Variants in TBCEL observed in about 807,000 individuals in gnomAD.
The protein encoded by TBCEL is tubulin folding cofactor E like, also known as tubulin-specific chaperone cofactor E-like protein.
TBCEL carries 15 observed loss-of-function variants against 44.2 expected under a neutral mutation model. The ratio of observed to expected loss-of-function variants is 0.34; its 90% CI spans 0.23 to 0.52. The LOEUF is 0.52. TBCEL is among the 20% of genes least tolerant of loss of function. TBCEL has a pLI of 0.95. For synonymous variants in TBCEL, 171 were observed against 185.4 expected (o/e 0.92, Z 0.63); for missense variants, 319 against 506.3 (o/e 0.63, Z 3.55).
At chr11:121,031,197 T>G (rs951579020) in intron 1 of TBCEL, among the ~76,000 whole-genome samples, 1 of 152,192 alleles carries the variant, frequency 6.6e-6, no homozygotes, top group African/African-American at 2.4e-5. Context: ...CCTGTAGAGT[T>G]TATACTGAGA....
At chr11:121,038,816 C>T (rs776053567) in intron 2 of TBCEL, among the ~76,000 whole-genome samples, 2 of 152,142 alleles carry the variant, frequency 1.3e-5, no homozygotes, top group Non-Finnish European at 2.9e-5. Flanking sequence ...CCCACCTCGT[C>T]CACTTTCATT....
intron 1 of TBCEL, among the ~76,000 whole-genome samples, chr11:121,031,312 T>C (rs945950260): frequency 6.6e-6 from 1 of 152,234 alleles, no homozygotes; most frequent in Non-Finnish European, 1.5e-5. Flanking sequence ...ACTGGCTACA[T>C]TGCCAGTTTC....
chr11:121,034,867 G>A (rs181014430), intron 1 of TBCEL, among the ~76,000 whole-genome samples: 241 of 152,250 alleles, frequency 1.6e-3, no homozygotes, highest in African/African-American at 5.3e-3. Context: ...ATCTGAAAAC[G>A]CTTCATCTCT....
intron 1 of TBCEL, among the ~76,000 whole-genome samples, chr11:121,027,508 G>A (rs537337372): frequency 5.3e-5 from 8 of 152,228 alleles, no homozygotes; most frequent in African/African-American, 1.4e-4. Flanking sequence ...GATATTTAGG[G>A]CCTTCTACAG....
At chr11:121,041,380 T>C (rs1945330126) in intron 2 of TBCEL, among the ~76,000 whole-genome samples, 3 of 152,174 alleles carry the variant, frequency 2.0e-5, no homozygotes, top group African/African-American at 7.2e-5. Flanking sequence ...ATTCTGACTT[T>C]TTCCAAGCAC....
chr11:121,076,550 T>C (rs1159201763), intron 8 of TBCEL, among the ~76,000 whole-genome samples: 2 of 152,086 alleles, frequency 1.3e-5, no homozygotes, highest in Admixed American at 1.3e-4. Flanking sequence ...ATTTATTTAT[T>C]AATTCTAGTA....
At position 121,045,769 on chromosome 11, in the gene TBCEL, G is replaced by A; in HGVS notation, c.79G>A (p.Gly27Ser). Residue 27 changes from glycine to serine, a missense_variant, in exon 3 of 9, where the codon GGC (glycine) becomes AGC (serine). Physicochemically the swap from Gly to Ser is moderately conservative, Grantham distance 56. Transcript: ENST00000683345. ...YSPENFPYRR[G>S]PGMGVHVPAT... ...TCCTGAAAATTTTCCTTATCGCCGT[G>A]GCCCGGGGATGGGAGTCCATGTCCC... The A allele has an allele frequency of 6.2e-7, 1 of 1,611,520 alleles. No homozygotes were observed.
At chr11:121,030,375 G>A (rs1339654655) in intron 1 of TBCEL, among the ~76,000 whole-genome samples, 1 of 152,178 alleles carries the variant, frequency 6.6e-6, no homozygotes, top group African/African-American at 2.4e-5. Context: ...ATTGGAGAGT[G>A]TAAAGGACAT....
chr11:121,072,689 G>A (rs1330251221), intron 8 of TBCEL, among the ~76,000 whole-genome samples: 1 of 151,436 alleles, frequency 6.6e-6, no homozygotes, highest in African/African-American at 2.4e-5. Flanking sequence ...TTTTCACCTC[G>A]TATTTTGTTG....
chr11:121,035,184 A>G lies in TBCEL; in HGVS notation c.-125-1321A>G, dbSNP rs997307445. ...AACTAATATTTATTAAGTGCTTTCT[A>G]TGTGCCAGGCACTGTGCTAACCACC... On this transcript the variant is annotated intron_variant, in intron 1 of 8. Coordinates refer to ENST00000683345, the MANE Select transcript of TBCEL (RefSeq NM_001363644.2). 4.6e-5 allele frequency: 7 copies of G among 152,244 alleles called. No individual in the cohort carries two copies. In the South Asian group the frequency reaches 1.4e-3, roughly 32 times the overall value. 9.4% of individuals were successfully genotyped at this position (152,244 alleles called of 1,614,324 possible).
In TBCEL at chr11:121,060,097, C is replaced by T. The variant is rs1945692659; in HGVS notation, c.956+12C>T. ...GAAGTGCCATTCAGGTAAAAAATTCCCCATTGGCCAAACACTTTAGAGGGT... is the reference window on the plus strand; with the variant it reads ...GAAGTGCCATTCAGGTAAAAAATTCTCCATTGGCCAAACACTTTAGAGGGT... On this transcript the variant is annotated intron_variant, in intron 8 of 8. Coordinates refer to ENST00000683345, the MANE Select transcript of TBCEL (RefSeq NM_001363644.2). The T allele has an allele frequency of 1.3e-6, 2 of 1,590,472 alleles. No homozygotes were observed. Among genetic ancestry groups the T allele is most frequent in the African/African-American group, 2.7e-5 (2 of 74,354 alleles).
chr11:121,064,159 A>G (rs1415813818), intron 8 of TBCEL, among the ~76,000 whole-genome samples: 1 of 152,218 alleles, frequency 6.6e-6, no homozygotes, highest in Non-Finnish European at 1.5e-5. Flanking sequence ...CGCTAAACCT[A>G]GGAATATGAA....
intron 2 of TBCEL, among the ~76,000 whole-genome samples, chr11:121,042,935 C>A (rs933426373): frequency 6.6e-6 from 1 of 151,950 alleles, no homozygotes; most frequent in African/African-American, 2.4e-5. Flanking sequence ...TTTCTTATGT[C>A]CATGTGCTTT....
chr11:121,065,008 A>C lies in TBCEL; in HGVS notation c.956+4923A>C, dbSNP rs192784657. 6.6e-3 allele frequency among the ~76,000 whole-genome samples: 996 copies of C among 151,908 alleles called. 11 individuals carry two copies. The highest frequency in any genetic ancestry group is 0.023 in the African/African-American group (945 of 41,412). On this transcript the variant is annotated intron_variant, in intron 8 of 8. Coordinates refer to ENST00000683345, the MANE Select transcript of TBCEL (RefSeq NM_001363644.2). ...GCCCAGCTAATTTTTTTGTATTTTT[A>C]GTGGAGACGGGGTTTCACCATGTTA...
At position 121,055,128 on chromosome 11, in the gene TBCEL, C is replaced by T. The variant is rs766628750; in HGVS notation, c.532C>T (p.Leu178=). The T allele has an allele frequency of 1.2e-5, 20 of 1,609,052 alleles. No individual in the cohort carries two copies. The highest frequency in any genetic ancestry group is 3.3e-4 in the Middle Eastern group (2 of 6,048). Residue 178 remains leucine, a synonymous_variant, in exon 6 of 9, where the codon CTA becomes TTA. Coordinates refer to ENST00000683345, the MANE Select transcript of TBCEL (RefSeq NM_001363644.2). ...TTCTATTTGCTGTCATTCTCTTAAG[C>T]TACTACATATAACAGACAATAACCT... is the stretch of plus-strand genomic sequence containing the variant. ...CPSICCHSLK[L]LHITDNNLQD... is the part of the protein sequence containing the mutation.
chr11:121,031,146 C>G (rs1336280537), intron 1 of TBCEL, among the ~76,000 whole-genome samples: 2 of 152,174 alleles, frequency 1.3e-5, no homozygotes, highest in Admixed American at 1.3e-4. Flanking sequence ...GCTGTTGTTA[C>G]GGACATTCTT....
At chr11:121,066,863 A>C (rs993396977) in intron 8 of TBCEL, among the ~76,000 whole-genome samples, 3 of 152,212 alleles carry the variant, frequency 2.0e-5, no homozygotes, top group Non-Finnish European at 4.4e-5. Flanking sequence ...TCAGTGTCTC[A>C]TATAAAATTG....
intron 3 of TBCEL, among the ~76,000 whole-genome samples, chr11:121,046,553 G>A (rs1945433303): frequency 6.6e-6 from 1 of 151,996 alleles, no homozygotes; most frequent in African/African-American, 2.4e-5. Context: ...ATGTAACCTG[G>A]AATGGCAGAG....
intron 8 of TBCEL, among the ~76,000 whole-genome samples, chr11:121,083,784 G>A (rs1946167180): frequency 6.6e-6 from 1 of 152,040 alleles, no homozygotes; most frequent in African/African-American, 2.4e-5. Flanking sequence ...GACTCATGGT[G>A]CTCTGTTTCT....
Sources: gnomAD v4.1 joint callset for allele counts (sites outside exome capture counted in the v4.1 genomes callset) on GRCh38, gnomAD v4.1.1 for gene constraint, MANE v1.5 for transcripts, NCBI Gene and HGNC (gene_info 2026-07-23, HGNC 2026-07-21) for gene names.